The following TRAPPC10 variants were observed in gnomAD, a reference collection of about 807,000 sequenced individuals.
TRAPPC10 encodes the protein trafficking protein particle complex subunit 10.
A neutral mutation model predicts 125.5 loss-of-function variants in TRAPPC10; 23 were observed. The ratio of observed to expected loss-of-function variants is 0.18; its 90% confidence interval spans 0.13 to 0.26. The LOEUF (loss-of-function observed/expected upper bound fraction) is 0.26. TRAPPC10 is among the 10% of genes least tolerant of loss of function. The probability of loss-of-function intolerance (pLI) is 1.00; values close to 1 mark genes in which losing one functional copy is unlikely to be tolerated. For missense variants in TRAPPC10, 1,123 were observed against 1,308.4 expected (o/e 0.86, Z 2.19); for synonymous variants, 509 against 518.0 (o/e 0.98, Z 0.24).
At position 44,093,980 on chromosome 21, in the gene TRAPPC10, A is replaced by G. The variant is rs1044287746; in HGVS notation, c.2998-83A>G. The G allele has an allele frequency of 1.9e-4, 266 of 1,432,240 alleles. 1 individual carries two copies. Among genetic ancestry groups the G allele is most frequent in the Middle Eastern group, 7.6e-4 (3 of 3,930 alleles). The allele number at this position is 1,432,240 out of a possible 1,614,324, so 88.7% of individuals were successfully genotyped here. A position where few individuals can be genotyped will look rare whatever the true frequency, so the allele number is the denominator to read the frequency against. ...ATGGTGTCTGCTCAGCACCCTTCGC[A>G]TGGCGTGTGTTTCGCTGCAGTGTCT... On this transcript the variant is annotated intron_variant, in intron 19 of 22. Coordinates refer to ENST00000291574, the MANE Select transcript of TRAPPC10 (RefSeq NM_003274.5).
intron 9 of TRAPPC10, 142 bp downstream of exon 9, chr21:44,075,295 G>C (rs2037195597): frequency 1.6e-6 from 1 of 614,638 alleles, no homozygotes; most frequent in African/African-American, 1.8e-5. Context: ...TTAGCTGACT[G>C]GATTAAAGCA....
At chr21:44,075,828 T>C (rs1360510707) in intron 9 of TRAPPC10, among the ~76,000 whole-genome samples, 2 of 152,174 alleles carry the variant, frequency 1.3e-5, no homozygotes, top group Admixed American at 1.3e-4. Flanking sequence ...GGTGGGCGGA[T>C]CACCTGAGGT....
In TRAPPC10 at chr21:44,050,569, T is replaced by C. The variant is rs115020347; in HGVS notation, c.286-1711T>C. ...CTCTGGGCCCTGTTGGCCTTTTGGTTTTGCTTCCAGGCATGGCGTGTTGGG... is the reference window on the plus strand; with the variant it reads ...CTCTGGGCCCTGTTGGCCTTTTGGTCTTGCTTCCAGGCATGGCGTGTTGGG... On this transcript the variant is annotated intron_variant, in intron 3 of 22. Transcript: ENST00000291574. Among the ~76,000 whole-genome samples the C allele has an allele frequency of 5.6e-3, 852 of 152,264 alleles. 11 individuals carry two copies. Among genetic ancestry groups the C allele is most frequent in the African/African-American group, 0.02 (826 of 41,542 alleles).
chr21:44,080,563 A>T (rs9306174), intron 13 of TRAPPC10, among the ~76,000 whole-genome samples: 46,821 of 150,526 alleles, frequency 0.31, 10,168 homozygotes, highest in African/African-American at 0.62. Flanking sequence ...TTTGAGACAG[A>T]GTCTCGCTCT....
At chr21:44,085,241 C>G (rs2038045969) in intron 15 of TRAPPC10, among the ~76,000 whole-genome samples, 1 of 151,986 alleles carries the variant, frequency 6.6e-6, no homozygotes, top group Admixed American at 6.6e-5. Context: ...AAAAAGACAT[C>G]ACTTTGGAGA....
rs1428638828 is a variant in TRAPPC10, at chr21:44,077,790, T to C, written c.1469+6T>C. Reference sequence around the variant, plus strand: ...GATCTGGCAGAGTTTTACATGTAATTGATTTTGTACTTTTCTTTGAATTCT... The same window carrying C: ...GATCTGGCAGAGTTTTACATGTAATCGATTTTGTACTTTTCTTTGAATTCT... On this transcript the variant is annotated splice_donor_region_variant and intron_variant, in intron 11 of 22. Coordinates refer to ENST00000291574, the MANE Select transcript of TRAPPC10 (RefSeq NM_003274.5). The C allele has an allele frequency of 3.8e-6, 6 of 1,598,400 alleles. No individual in the cohort carries two copies. Among genetic ancestry groups the C allele is most frequent in the Non-Finnish European group, 5.1e-6 (6 of 1,167,656 alleles).
intron 3 of TRAPPC10, among the ~76,000 whole-genome samples, chr21:44,044,558 C>T (rs1601636709): frequency 6.6e-6 from 1 of 151,450 alleles, no homozygotes; most frequent in African/African-American, 2.4e-5. Context: ...TTATTGTTGT[C>T]ATACATTTTC....
At position 44,083,309 on chromosome 21, in the gene TRAPPC10, G is replaced by A. The variant is rs143249970; in HGVS notation, c.2238+7G>A. ...GATAACATTCAGGACTCAGGTATGC[G>A]TTCAGGGTGGGAACTTGACTTTCAA... is the stretch of plus-strand genomic sequence containing the variant. On this transcript the variant is annotated splice_region_variant and intron_variant, in intron 14 of 22. Transcript: ENST00000291574. The A allele has an allele frequency of 3.4e-5, 55 of 1,609,648 alleles. No homozygotes were observed. In the African/African-American group the frequency reaches 6.6e-4, roughly 19 times the overall value.
At chr21:44,014,902 T>C (rs143344712) in intron 1 of TRAPPC10, among the ~76,000 whole-genome samples, 12 of 152,302 alleles carry the variant, frequency 7.9e-5, no homozygotes, top group Non-Finnish European at 1.0e-4. Context: ...TACTTCCCAC[T>C]TGAAATTATG....
intron 11 of TRAPPC10, 122 bp downstream of exon 11, chr21:44,077,906 A>AC: frequency 1.7e-6 from 1 of 593,394 alleles, no homozygotes; most frequent in East Asian, 3.5e-5. Context: ...AGATTCTCTT[A>AC]CCCAGTCCTC....
At chr21:44,054,186 T>C (rs1193336299) in intron 4 of TRAPPC10, among the ~76,000 whole-genome samples, 4 of 152,202 alleles carry the variant, frequency 2.6e-5, no homozygotes, top group East Asian at 3.9e-4. Context: ...AAGTTAGTCC[T>C]CTGGGGGACC....
At chr21:44,081,113 T>G (rs1462535890) in intron 13 of TRAPPC10, among the ~76,000 whole-genome samples, 1 of 147,548 alleles carries the variant, frequency 6.8e-6, no homozygotes, top group Non-Finnish European at 1.5e-5. Context: ...CCTTCTGGAG[T>G]CAAGAGATCC....
At position 44,088,017 on chromosome 21, in the gene TRAPPC10, T is replaced by C. The variant is rs2146169858; in HGVS notation, c.2769+89T>C. On this transcript the variant is annotated intron_variant, in intron 17 of 22. Coordinates refer to ENST00000291574, the MANE Select transcript of TRAPPC10 (RefSeq NM_003274.5). ...AAGGCGATGTAGCGATGCCTGCTGT[T>C]AGCCTGGCTCCTTCTGATTCCCGAT... 3 of 1,142,886 alleles carry C rather than the reference T, an allele frequency of 2.6e-6. No homozygotes were observed. The East Asian group carries it at 7.7e-5, about 29-fold the overall frequency. 70.8% of individuals were successfully genotyped at this position (1,142,886 alleles called of 1,614,324 possible). A position where few individuals can be genotyped will look rare whatever the true frequency, so the allele number is the denominator to read the frequency against.
Position 44,082,442 on chromosome 21 carries a change from C to T in TRAPPC10, c.1724-346C>T, listed in dbSNP as rs2037824747. Among the ~76,000 whole-genome samples the T allele has an allele frequency of 6.6e-6, 1 of 152,170 alleles. No homozygotes were observed. The highest frequency in any genetic ancestry group is 2.1e-4 in the South Asian group (1 of 4,830). On this transcript the variant is annotated intron_variant, in intron 13 of 22. Transcript: ENST00000291574. This position sits in a 1 kb window ranked among gnomAD's most constrained non-coding sequence, Gnocchi z 4.4. ...TAAGTAGGTGAGAAAATATTGGAATCCCTTGGAAATAGCTGTAGAAATTGG... is the reference window on the plus strand; with the variant it reads ...TAAGTAGGTGAGAAAATATTGGAATTCCTTGGAAATAGCTGTAGAAATTGG...
chr21:44,038,173 T>C (rs1184131422), intron 3 of TRAPPC10, among the ~76,000 whole-genome samples: 2 of 152,204 alleles, frequency 1.3e-5, no homozygotes, highest in Non-Finnish European at 2.9e-5. Context: ...TACTCTGTTA[T>C]AGGTTGTCCC....
chr21:44,020,673 AT>A (rs1049222057), intron 1 of TRAPPC10, among the ~76,000 whole-genome samples: 2 of 152,162 alleles, frequency 1.3e-5, no homozygotes, highest in Non-Finnish European at 2.9e-5. Context: ...CAGGGTTGAA[AT>A]TTTTAGCAGA....
At chr21:44,020,036 A>G (rs1212505310) in intron 1 of TRAPPC10, among the ~76,000 whole-genome samples, 1 of 149,264 alleles carries the variant, frequency 6.7e-6, no homozygotes, top group East Asian at 1.9e-4. Flanking sequence ...ATTTCTGAAT[A>G]TTATTTTAGG....
At chr21:44,054,492 G>A (rs927369994) in intron 4 of TRAPPC10, among the ~76,000 whole-genome samples, 2 of 152,148 alleles carry the variant, frequency 1.3e-5, no homozygotes, top group Non-Finnish European at 2.9e-5. Flanking sequence ...AAGGAGAACT[G>A]GTGAAGCTCA....
intron 20 of TRAPPC10, among the ~76,000 whole-genome samples, chr21:44,094,737 G>T (rs971098254): frequency 2.6e-5 from 4 of 152,188 alleles, no homozygotes; most frequent in Non-Finnish European, 5.9e-5. Flanking sequence ...TGAGCTAGGT[G>T]AGTAGATACA....
Sources: gnomAD v4.1 joint callset for allele counts (sites outside exome capture counted in the v4.1 genomes callset) on GRCh38, gnomAD v4.1.1 for gene constraint, Gnocchi (gnomAD v3.1) non-coding constraint, MANE v1.5 for transcripts, NCBI Gene and HGNC (gene_info 2026-07-23, HGNC 2026-07-21) for gene names.